The following AKAP8L variants were observed in gnomAD, a reference collection of about 807,000 sequenced individuals.
AKAP8L encodes A-kinase anchor protein 8-like.
In AKAP8L, 34 loss-of-function variants were observed where a neutral mutation model predicts 77.5. The observed-to-expected ratio is 0.44, with a 90% CI of 0.33 to 0.58. The LOEUF (loss-of-function observed/expected upper bound fraction) is 0.58, where lower values mean the gene tolerates loss of function less well. Among genes scored for constraint, AKAP8L ranks in the 20% least tolerant of loss-of-function variants. AKAP8L has a pLI of 0.02. For synonymous variants in AKAP8L, 342 were observed against 340.7 expected, an observed-to-expected ratio of 1.00 and a Z score of -0.04; for missense variants, 806 against 887.6, an observed-to-expected ratio of 0.91 and a Z score of 1.17.
rs1388348697 is a variant in AKAP8L at position 15,382,556 on chromosome 19, A to G, written c.1537-1944T>C. Among the ~76,000 whole-genome samples, 4 of 152,142 alleles carry G rather than the reference A, an allele frequency of 2.6e-5. No homozygotes were observed. The East Asian group carries it at 5.8e-4, about 22-fold the overall frequency. On this transcript the variant is annotated intron_variant, in intron 12 of 13. Transcript: ENST00000397410. ...GTATCCCTTATTCAAAGTGCTTATG[A>G]CCAGAAGTCTTTCAGATTTTGATTT...
In AKAP8L at chr19:15,397,400, A is replaced by T; in HGVS notation, c.1405+120T>A. On this transcript the variant is annotated intron_variant, in intron 11 of 13. Transcript: ENST00000397410. The surrounding 1 kb of genome is among the most constrained non-coding windows in gnomAD (Gnocchi z 4.7). ...GCCCTGCCACTTCCACCTGGGCCTG[A>T]GCCAAGGCTGGTCTCCTGACCTTCC... 1 of 1,500,586 alleles carries T rather than the reference A, an allele frequency of 6.7e-7. No individual in the cohort carries two copies. Among genetic ancestry groups the T allele is most frequent in the Non-Finnish European group, 9.1e-7 (1 of 1,095,656 alleles). The allele number at this position is 1,500,586 out of a possible 1,614,324, so 93.0% of individuals were successfully genotyped here.
intron 12 of AKAP8L, among the ~76,000 whole-genome samples, chr19:15,385,845 C>CA (rs945542136): frequency 6.6e-6 from 1 of 152,002 alleles, no homozygotes; most frequent in African/African-American, 2.4e-5. Context: ...ATGATCCTCC[C>CA]ACCTCAGTCT....
chr19:15,400,638 A>T (rs1240660209), intron 7 of AKAP8L, 156 bp downstream of exon 7: 3 of 948,990 alleles, frequency 3.2e-6, no homozygotes, highest in Non-Finnish European at 4.8e-6. Context: ...CCAGCTAGGC[A>T]GCCTGTGCTT....
chr19:15,406,428 A>G (rs1373633669), intron 2 of AKAP8L, among the ~76,000 whole-genome samples: 1 of 139,672 alleles, frequency 7.2e-6, no homozygotes, highest in Non-Finnish European at 1.5e-5. Flanking sequence ...TATATTTATT[A>G]TTATTAAATA....
chr19:15,405,300 G>A (rs1228551099), intron 2 of AKAP8L, among the ~76,000 whole-genome samples: 10 of 152,170 alleles, frequency 6.6e-5, no homozygotes, highest in Admixed American at 3.9e-4. Context: ...TCGGGAGGTC[G>A]AGGCGGGCGG....
At chr19:15,391,419 C>G (rs1486267673) in intron 12 of AKAP8L, among the ~76,000 whole-genome samples, 5 of 107,662 alleles carry the variant, frequency 4.6e-5, no homozygotes, top group Non-Finnish European at 5.1e-5. Flanking sequence ...GATTGCACCA[C>G]TGCACTCCAG....
intron 2 of AKAP8L, among the ~76,000 whole-genome samples, chr19:15,406,399 G>GAGAGAC (rs1383954939): frequency 7.0e-6 from 1 of 143,676 alleles, no homozygotes; most frequent in African/African-American, 2.5e-5. Context: ...GAGAGAGAGA[G>GAGAGAC]AGAGATCCTT....
At chr19:15,388,490 C>G (rs1448216070) in intron 12 of AKAP8L, among the ~76,000 whole-genome samples, 1 of 152,074 alleles carries the variant, frequency 6.6e-6, no homozygotes, top group African/African-American at 2.4e-5. Context: ...GGTATAATGA[C>G]ACTGTCTCAT....
chr19:15,403,244 A>G lies in AKAP8L; in HGVS notation c.362+231T>C. 1 of 557,956 alleles carries G rather than the reference A, an allele frequency of 1.8e-6. No homozygotes were observed. The highest frequency in any genetic ancestry group is 2.0e-5 in the South Asian group (1 of 49,972). The allele number at this position is 557,956 out of a possible 1,614,324, so 34.6% of individuals were successfully genotyped here. A position where few individuals can be genotyped will look rare whatever the true frequency, so the allele number is the denominator to read the frequency against. Reference sequence around the variant, plus strand: ...TGCCCAGTCTGGGCTTGTTCCTCTCACCGCAAGCTGGGAAAGGCTGACCAC... The same window carrying G: ...TGCCCAGTCTGGGCTTGTTCCTCTCGCCGCAAGCTGGGAAAGGCTGACCAC... On this transcript the variant is annotated intron_variant, in intron 4 of 13. Coordinates refer to ENST00000397410, the MANE Select transcript of AKAP8L (RefSeq NM_014371.4). This position sits in a 1 kb window ranked among gnomAD's most constrained non-coding sequence, Gnocchi z 4.3.
rs1487929786 is a variant in AKAP8L, at chr19:15,403,485, C to T, written c.352G>A (p.Gly118Ser). The change falls in exon 4 of 14, where the codon GGT becomes AGT. Residue 118 changes from glycine (G) to serine (S), a missense_variant. Coordinates refer to ENST00000397410, the MANE Select transcript of AKAP8L (RefSeq NM_014371.4). The surrounding 1 kb of genome is among the most constrained non-coding windows in gnomAD (Gnocchi z 4.3). ...DMMQGGVYGS[G>S]GERYDSYESC... ...CAGGTGTCCACTCACCTTTCTCCAC[C>T]TGAGCCGTACACGCCTCCTTGCATC... 2 of 1,613,954 alleles carry T rather than the reference C, an allele frequency of 1.2e-6. No individual in the cohort carries two copies. The highest frequency in any genetic ancestry group is 1.7e-6 in the Non-Finnish European group (2 of 1,179,890).
At chr19:15,392,169 AAAC>A (rs1203537145) in intron 12 of AKAP8L, among the ~76,000 whole-genome samples, 1 of 152,212 alleles carries the variant, frequency 6.6e-6, no homozygotes, top group Admixed American at 6.5e-5. Context: ...GAAATATTAA[AAAC>A]AAATAGTTCA....
At chr19:15,414,614 G>C (rs1968170238) in intron 1 of AKAP8L, among the ~76,000 whole-genome samples, 1 of 151,816 alleles carries the variant, frequency 6.6e-6, no homozygotes, top group South Asian at 2.1e-4. Flanking sequence ...TCAGCCTCCT[G>C]AGTAGCTGGG....
chr19:15,400,848 C>G lies in AKAP8L; in HGVS notation c.930G>C (p.Gly310=), dbSNP rs781682703. The part of the protein sequence containing the change: ...SDSDNDEGTE[G]EATEGLEGTE... ...TGCCTTCAAGGCCCTCTGTGGCTTCCCCCTCGGTGCCCTCATCTGAAAGGG... is the reference window on the plus strand; with the variant it reads ...TGCCTTCAAGGCCCTCTGTGGCTTCGCCCTCGGTGCCCTCATCTGAAAGGG... The change falls in exon 7 of 14, where the codon GGG becomes GGC. Residue 310 remains glycine (G), a synonymous_variant. Transcript: ENST00000397410. The G allele has an allele frequency of 1.9e-6, 3 of 1,613,904 alleles. No homozygotes were observed. The highest frequency in any genetic ancestry group is 1.7e-5 in the Admixed American group (1 of 60,002).
chr19:15,401,277 T>C lies in AKAP8L; in HGVS notation c.689A>G (p.Tyr230Cys). Residue 230 changes from tyrosine to cysteine, a missense_variant, in exon 5 of 14, where the codon TAC (tyrosine) becomes TGC (cysteine). By Grantham distance (194) the Tyr-to-Cys change is radical. Transcript: ENST00000397410. The surrounding 1 kb of genome is among the most constrained non-coding windows in gnomAD (Gnocchi z 6.2). ...SLFSQNIIPE[Y>C]GMFQGMRGGG... is the part of the protein sequence containing the mutation. ...ACCTCGCATGCCCTGGAACATGCCG[T>C]ACTCGGGGATGATGTTCTGGGAGAA... 6.2e-7 allele frequency: 1 copy of C among 1,613,736 alleles called. No individual in the cohort carries two copies. The highest frequency in any genetic ancestry group is 1.1e-5 in the South Asian group (1 of 91,080).
chr19:15,401,538 C>T lies in AKAP8L; in HGVS notation c.428G>A (p.Gly143Asp), dbSNP rs1967900314. The part of the protein sequence containing the change: ...VLSERDLYRS[G>D]YDYSELDPEM... ...AGGGTCAAGCTCGCTGTAGTCATAG[C>T]CTGACCGGTACAGGTCGCGCTCACT... The change falls in exon 5 of 14, where the codon GGC becomes GAC. Residue 143 changes from glycine to aspartate, a missense_variant. Physicochemically the swap from Gly to Asp is moderately conservative, Grantham distance 94. Coordinates refer to ENST00000397410, the MANE Select transcript of AKAP8L (RefSeq NM_014371.4). The surrounding 1 kb of genome is among the most constrained non-coding windows in gnomAD (Gnocchi z 6.2). 1.9e-6 allele frequency: 3 copies of T among 1,613,590 alleles called. No individual in the cohort carries two copies. The highest frequency in any genetic ancestry group is 2.5e-6 in the Non-Finnish European group (3 of 1,179,810).
At chr19:15,396,197 A>T (rs912715464) in intron 12 of AKAP8L, among the ~76,000 whole-genome samples, 9 of 152,064 alleles carry the variant, frequency 5.9e-5, no homozygotes, top group Non-Finnish European at 8.8e-5. Context: ...GCATGGAAGA[A>T]GATGGAGAAA....
chr19:15,405,937 GAAAAGA>G (rs1967988499), intron 2 of AKAP8L, among the ~76,000 whole-genome samples: 1 of 151,634 alleles, frequency 6.6e-6, no homozygotes, highest in Non-Finnish European at 1.5e-5. Flanking sequence ...AAAAAAGAAA[GAAAAGA>G]AAAAGAAAAT....
intron 2 of AKAP8L, 104 bp from the exon 3 acceptor site, chr19:15,404,146 T>A (rs1967953962): frequency 8.3e-7 from 1 of 1,209,030 alleles, no homozygotes; most frequent in Admixed American, 1.9e-5. Context: ...CAGAGCAGGC[T>A]GCACCTCCCC....
At position 15,397,342 on chromosome 19, in the gene AKAP8L, G is replaced by A. The variant is rs967487990; in HGVS notation, c.1406-62C>T. The A allele has an allele frequency of 4.1e-5, 66 of 1,594,638 alleles. No homozygotes were observed. The highest frequency in any genetic ancestry group is 1.0e-4 in the Admixed American group (6 of 57,850). ...GTGCCTAAGATAGACCCAGGTGTTC[G>A]AGAAAAAAACCACACCAGCTCCTCC... is the stretch of plus-strand genomic sequence containing the variant. On this transcript the variant is annotated intron_variant, in intron 11 of 13. Transcript: ENST00000397410. The surrounding 1 kb of genome is among the most constrained non-coding windows in gnomAD (Gnocchi z 4.7).
Sources: gnomAD v4.1 joint callset for allele counts (sites outside exome capture counted in the v4.1 genomes callset) on GRCh38, gnomAD v4.1.1 for gene constraint, Gnocchi (gnomAD v3.1) non-coding constraint, MANE v1.5 for transcripts, NCBI Gene and HGNC (gene_info 2026-07-23, HGNC 2026-07-21) for gene names.